Variants in CNTN6 observed in about 807,000 individuals in gnomAD.
CNTN6 encodes contactin-6.
A neutral mutation model predicts 122.8 loss-of-function variants in CNTN6; 137 were observed. The observed-to-expected ratio is 1.12, with a 90% CI of 0.97 to 1.29. The LOEUF is 1.29. CNTN6 is among the 50% of genes most tolerant of loss of function. The pLI is 0.00. For synonymous variants in CNTN6, 570 were observed against 426.0 expected, an observed-to-expected ratio of 1.34 and a Z score of -4.16; for missense variants, 1,634 against 1,223.4, an observed-to-expected ratio of 1.34 and a Z score of -5.01.
chr3:1,395,934 A>G (rs1694932036), intron 20 of CNTN6, among the ~76,000 whole-genome samples: 1 of 152,104 alleles, frequency 6.6e-6, no homozygotes, highest in Non-Finnish European at 1.5e-5. Flanking sequence ...TGAGCATGAA[A>G]TCTCTTCATC....
chr3:1,149,184 T>C (rs2092786656), intron 2 of CNTN6, among the ~76,000 whole-genome samples: 2 of 152,172 alleles, frequency 1.3e-5, no homozygotes, highest in African/African-American at 4.8e-5. Flanking sequence ...GTTACAATCA[T>C]AGAGTTCATA....
intron 11 of CNTN6, among the ~76,000 whole-genome samples, chr3:1,341,953 A>G (rs1269873000): frequency 3.3e-5 from 5 of 152,258 alleles, no homozygotes; most frequent in Non-Finnish European, 5.9e-5. Flanking sequence ...CTGAACAACT[A>G]TTTGCTAATA....
chr3:1,099,520 A>G (rs545178918), intron 1 of CNTN6, among the ~76,000 whole-genome samples: 44 of 152,194 alleles, frequency 2.9e-4, no homozygotes, highest in Non-Finnish European at 5.4e-4. Context: ...TGTGTTTTAT[A>G]TTCTTATTAT....
chr3:1,244,410 CCG>C (rs1313713418), intron 4 of CNTN6, among the ~76,000 whole-genome samples: 4 of 126,006 alleles, frequency 3.2e-5, no homozygotes, highest in African/African-American at 1.3e-4. Context: ...GCGGGACTTG[CCG>C]CTGAGGGTGA....
At chr3:1,300,811 C>G (rs963310383) in intron 7 of CNTN6, among the ~76,000 whole-genome samples, 5 of 151,998 alleles carry the variant, frequency 3.3e-5, no homozygotes, top group Non-Finnish European at 5.9e-5. Context: ...CTCTCCCCCT[C>G]TCTCTCTTTC....
At chr3:1,128,126 GA>G (rs2125087971) in intron 1 of CNTN6, 1 of 152,042 alleles carries the variant, frequency 6.6e-6, no homozygotes, top group Non-Finnish European at 1.5e-5. Context: ...GAATTATAGA[GA>G]CAGTTGTAAC....
intron 8 of CNTN6, among the ~76,000 whole-genome samples, chr3:1,324,703 CTT>C (rs1210768233): frequency 6.7e-6 from 1 of 149,434 alleles, no homozygotes; most frequent in African/African-American, 2.6e-5. Context: ...CTTGCATTGA[CTT>C]TTTTTTCCTT....
intron 2 of CNTN6, among the ~76,000 whole-genome samples, chr3:1,186,685 G>A (rs1174265239): frequency 6.6e-6 from 1 of 152,072 alleles, no homozygotes; most frequent in African/African-American, 2.4e-5. Context: ...AGTGGCTGTG[G>A]GGAGGAGCGC....
intron 1 of CNTN6, among the ~76,000 whole-genome samples, chr3:1,137,387 A>G (rs1223488453): frequency 2.0e-5 from 3 of 152,168 alleles, no homozygotes; most frequent in Non-Finnish European, 4.4e-5. Flanking sequence ...GTTTATTTTT[A>G]TATGTAATTT....
intron 17 of CNTN6, among the ~76,000 whole-genome samples, chr3:1,379,719 G>A (rs963543955): frequency 6.6e-5 from 10 of 152,014 alleles, no homozygotes; most frequent in African/African-American, 2.4e-4. Context: ...GTGGATATCT[G>A]ATATGCAGAT....
chr3:1,392,197 C>T (rs1694259572), intron 20 of CNTN6, among the ~76,000 whole-genome samples: 1 of 152,234 alleles, frequency 6.6e-6, no homozygotes, highest in Admixed American at 6.5e-5. Context: ...GGTACTGGTA[C>T]CAAAACAGAG....
chr3:1,342,172 C>G (rs554040653), intron 11 of CNTN6, among the ~76,000 whole-genome samples: 1 of 152,230 alleles, frequency 6.6e-6, no homozygotes, highest in East Asian at 1.9e-4. Context: ...CTCTTTCACC[C>G]AGGCTTGAGT....
intron 11 of CNTN6, among the ~76,000 whole-genome samples, chr3:1,345,562 A>G (rs1028678029): frequency 1.3e-5 from 2 of 152,196 alleles, no homozygotes; most frequent in African/African-American, 2.4e-5. Flanking sequence ...TTTAAAAGAT[A>G]GCTTATTAAA....
intron 2 of CNTN6, among the ~76,000 whole-genome samples, chr3:1,158,868 A>G (rs2093049214): frequency 2.4e-5 from 1 of 41,094 alleles, no homozygotes; most frequent in Non-Finnish European, 5.7e-5. Context: ...ATATACACAC[A>G]TATATATACA....
chr3:1,155,246 G>T lies in CNTN6; in HGVS notation c.55+7183G>T, dbSNP rs183245408. On this transcript the variant is annotated intron_variant, in intron 2 of 22. Transcript: ENST00000446702. ...ATAAGTTTTATGTAGTTAAAATATT[G>T]TGAGTCGTATAAGTGGCTGCATCAC... 2.2e-3 allele frequency among the ~76,000 whole-genome samples: 338 copies of T among 152,240 alleles called. 3 individuals carry two copies. In the Middle Eastern group the frequency reaches 0.024, roughly 11 times the overall value.
At chr3:1,347,085 C>G (rs114875814) in intron 11 of CNTN6, among the ~76,000 whole-genome samples, 122 of 152,240 alleles carry the variant, frequency 8.0e-4, no homozygotes, top group African/African-American at 2.8e-3. Context: ...TGTACATGCT[C>G]TATATTCTAA....
At chr3:1,286,367 G>A (rs1443821926) in intron 5 of CNTN6, among the ~76,000 whole-genome samples, 1 of 151,964 alleles carries the variant, frequency 6.6e-6, no homozygotes, top group East Asian at 1.9e-4. Flanking sequence ...CCCCCAGTAG[G>A]CCCCAGTGTG....
intron 1 of CNTN6, 96 bp from the exon 2 acceptor site, chr3:1,147,831 T>C: frequency 2.1e-6 from 1 of 473,416 alleles, no homozygotes; most frequent in Non-Finnish European, 3.8e-6. Context: ...GATAATAATA[T>C]TAATATTAAA....
chr3:1,102,683 G>C (rs576737232), intron 1 of CNTN6, among the ~76,000 whole-genome samples: 18 of 149,726 alleles, frequency 1.2e-4, no homozygotes, highest in African/African-American at 4.4e-4. Flanking sequence ...AGCAGAGATG[G>C]CGCCACCGCC....
Sources: allele counts gnomAD v4.1 joint callset (sites outside exome capture counted in the v4.1 genomes callset), GRCh38; gene constraint gnomAD v4.1.1; transcripts MANE v1.5; gene names NCBI Gene and HGNC (gene_info 2026-07-23, HGNC 2026-07-21).